WWOX: variants seen among roughly 807,000 people sequenced by gnomAD.
WWOX encodes the protein WW domain-containing oxidoreductase.
WWOX carries 69 observed loss-of-function variants against 46.2 expected under a neutral mutation model. The ratio of observed to expected loss-of-function variants is 1.49; its 90% CI spans 1.23 to 1.82. The LOEUF is 1.82. Ranked by LOEUF, WWOX falls within the 40% of genes most tolerant of loss-of-function variation. WWOX has a pLI of 0.00. For missense variants in WWOX, 919 were observed against 542.6 expected, an observed-to-expected ratio of 1.69 and a Z score of -6.89; for synonymous variants, 359 against 202.6, an observed-to-expected ratio of 1.77 and a Z score of -6.56.
intron 8 of WWOX, among the ~76,000 whole-genome samples, chr16:79,047,672 A>ACTTTTTTTTTTT (rs529812201): frequency 1.9e-5 from 1 of 53,520 alleles, no homozygotes; most frequent in African/African-American, 7.7e-5. Flanking sequence ...GACTGTCCTG[A>ACTTTTTTTTTTT]TTTTTTTTTT....
chr16:78,421,406 T>C (rs896892145), intron 6 of WWOX, among the ~76,000 whole-genome samples: 4 of 152,210 alleles, frequency 2.6e-5, no homozygotes, highest in African/African-American at 9.6e-5. Context: ...CTGTGGGTGT[T>C]CCTTCTCCCC....
intron 8 of WWOX, among the ~76,000 whole-genome samples, chr16:78,987,957 C>G (rs571781425): frequency 2.0e-5 from 3 of 152,034 alleles, no homozygotes; most frequent in Non-Finnish European, 4.4e-5. Context: ...AAAGAGGTAA[C>G]AAACCCAAAT....
intron 8 of WWOX, among the ~76,000 whole-genome samples, chr16:79,081,637 G>T (rs115318421): frequency 2.9e-4 from 44 of 152,178 alleles, no homozygotes; most frequent in African/African-American, 1.1e-3. Flanking sequence ...TTTTCTCACT[G>T]CATTATATTT....
At chr16:78,910,823 C>G (rs899653445) in intron 8 of WWOX, among the ~76,000 whole-genome samples, 1 of 151,882 alleles carries the variant, frequency 6.6e-6, no homozygotes, top group Non-Finnish European at 1.5e-5. Flanking sequence ...CACCGGGTCC[C>G]TCCCATGACG....
intron 8 of WWOX, among the ~76,000 whole-genome samples, chr16:79,164,368 A>T (rs1030959035): frequency 6.6e-6 from 1 of 152,086 alleles, no homozygotes; most frequent in Non-Finnish European, 1.5e-5. Flanking sequence ...TTCCACATTG[A>T]GTGAATTTTA....
Position 78,109,758 on chromosome 16 carries a change from C to T in WWOX, c.173-20C>T. The T allele has an allele frequency of 6.2e-7, 1 of 1,614,046 alleles. No homozygotes were observed. The highest frequency in any genetic ancestry group is 8.5e-7 in the Non-Finnish European group (1 of 1,179,964). On this transcript the variant is annotated intron_variant, in intron 2 of 8. Coordinates refer to ENST00000566780, the MANE Select transcript of WWOX (RefSeq NM_016373.4). Reference sequence around the variant, plus strand: ...TTACTTCTCCCTGGCACCTGTAGACCTGTCTTTCTTGTGTTTCAGATTTGC... The same window carrying T: ...TTACTTCTCCCTGGCACCTGTAGACTTGTCTTTCTTGTGTTTCAGATTTGC...
intron 8 of WWOX, among the ~76,000 whole-genome samples, chr16:78,997,301 C>G (rs1408934216): frequency 6.6e-6 from 1 of 152,136 alleles, no homozygotes; most frequent in East Asian, 1.9e-4. Context: ...TCCTTAAAAC[C>G]ATACCTATAT....
intron 8 of WWOX, among the ~76,000 whole-genome samples, chr16:78,454,202 T>C (rs141450864): frequency 3.2e-3 from 493 of 152,344 alleles, no homozygotes; most frequent in African/African-American, 0.011. Flanking sequence ...TGGATGACTT[T>C]GGAAGCCTTG....
intron 8 of WWOX, among the ~76,000 whole-genome samples, chr16:79,172,718 T>G (rs1040529885): frequency 9.2e-5 from 14 of 152,108 alleles, no homozygotes; most frequent in African/African-American, 3.4e-4. Flanking sequence ...CATGGAAATA[T>G]AAAATTGTAA....
chr16:78,290,175 G>C (rs758781602), intron 5 of WWOX, among the ~76,000 whole-genome samples: 4 of 152,032 alleles, frequency 2.6e-5, no homozygotes, highest in Admixed American at 6.6e-5. Flanking sequence ...AGTGTAATCC[G>C]AGGCCTTGGA....
chr16:78,154,330 A>G (rs2034521468), intron 4 of WWOX, among the ~76,000 whole-genome samples: 1 of 152,140 alleles, frequency 6.6e-6, no homozygotes, highest in Non-Finnish European at 1.5e-5. Flanking sequence ...TAAAATAATA[A>G]TATGAATAAT....
rs538045981 is a variant in WWOX, at chr16:78,375,217, T to C, written c.517-11643T>C. ...CGTCATTTCTCAAGCGTGACGATAC[T>C]GTTACACGTTTACTGCATATTCTGC... On this transcript the variant is annotated intron_variant, in intron 5 of 8. Transcript: ENST00000566780. Among the ~76,000 whole-genome samples, 253 of 152,370 alleles carry C rather than the reference T, an allele frequency of 1.7e-3. 1 individual carries two copies. Among genetic ancestry groups the C allele is most frequent in the Non-Finnish European group, 2.8e-3 (191 of 68,036 alleles).
chr16:78,228,424 C>T (rs886267109), intron 5 of WWOX, among the ~76,000 whole-genome samples: 11 of 149,002 alleles, frequency 7.4e-5, no homozygotes, highest in Non-Finnish European at 1.5e-4. Context: ...TCACTGCAGC[C>T]TTGACCTCCT....
chr16:79,070,433 T>C (rs1270681873), intron 8 of WWOX, among the ~76,000 whole-genome samples: 1 of 152,202 alleles, frequency 6.6e-6, no homozygotes, highest in Non-Finnish European at 1.5e-5. Flanking sequence ...TCAGTCCAGA[T>C]GCCCTTTTTC....
chr16:78,998,754 G>C (rs2134998), intron 8 of WWOX, among the ~76,000 whole-genome samples: 103,822 of 152,154 alleles, frequency 0.68, 36,743 homozygotes, highest in East Asian at 0.85. Flanking sequence ...GGAAACAAGC[G>C]TTGCTTCTAT....
intron 8 of WWOX, among the ~76,000 whole-genome samples, chr16:78,521,761 T>C (rs2151499276): frequency 6.7e-6 from 1 of 149,604 alleles, no homozygotes; most frequent in South Asian, 2.2e-4. Context: ...TAGTATTTAG[T>C]CAACACTTTA....
At chr16:79,209,708 T>G (rs888338699) in intron 8 of WWOX, among the ~76,000 whole-genome samples, 1 of 152,216 alleles carries the variant, frequency 6.6e-6, no homozygotes, top group African/African-American at 2.4e-5. Flanking sequence ...AATACTTGGC[T>G]TGAGTTAGCT....
At chr16:78,699,773 A>G (rs1021040643) in intron 8 of WWOX, among the ~76,000 whole-genome samples, 1 of 152,166 alleles carries the variant, frequency 6.6e-6, no homozygotes, top group African/African-American at 2.4e-5. Context: ...TCTTCTGGCC[A>G]ACTCTAAATC....
At chr16:78,449,884 C>T (rs1482127670) in intron 8 of WWOX, among the ~76,000 whole-genome samples, 3 of 150,516 alleles carry the variant, frequency 2.0e-5, no homozygotes, top group Non-Finnish European at 3.0e-5. Context: ...AAAAACTAGC[C>T]AGAAAGCGTG....
Sources: gnomAD v4.1 joint callset for allele counts (sites outside exome capture counted in the v4.1 genomes callset) on GRCh38, gnomAD v4.1.1 for gene constraint, MANE v1.5 for transcripts, NCBI Gene and HGNC (gene_info 2026-07-23, HGNC 2026-07-21) for gene names.